Variants in SPECC1 observed in about 807,000 individuals in gnomAD.
SPECC1 encodes sperm antigen with calponin homology and coiled-coil domains 1.
Under a neutral mutation model 104.1 loss-of-function variants are expected in SPECC1, and 62 were observed. The observed-to-expected ratio is 0.60, with a 90% confidence interval of 0.49 to 0.74. The LOEUF (loss-of-function observed/expected upper bound fraction) is 0.74. SPECC1 is among the 30% of genes least tolerant of loss of function. The pLI is 0.00. For missense variants in SPECC1, 1,306 were observed against 1,310.5 expected, an observed-to-expected ratio of 1.00 and a Z score of 0.05; for synonymous variants, 513 against 501.6, an observed-to-expected ratio of 1.02 and a Z score of -0.30.
At chr17:20,293,483 T>G (rs1486838757) in intron 12 of SPECC1, among the ~76,000 whole-genome samples, 1 of 152,204 alleles carries the variant, frequency 6.6e-6, no homozygotes, top group Non-Finnish European at 1.5e-5. Context: ...TAACTTGTTG[T>G]AGGGTTGCAT....
At chr17:20,236,854 T>G in intron 7 of SPECC1, 1 of 1,613,936 alleles carries the variant, frequency 6.2e-7, no homozygotes, top group Non-Finnish European at 8.5e-7. Context: ...GTTTCTATTT[T>G]CACAGCTCCC....
At chr17:20,031,057 C>T (rs556564324) in intron 1 of SPECC1, among the ~76,000 whole-genome samples, 3 of 152,118 alleles carry the variant, frequency 2.0e-5, no homozygotes, top group Admixed American at 6.5e-5. Flanking sequence ...TTCAGTGGCG[C>T]GATCTCGACT....
chr17:20,247,316 G>A lies in SPECC1; in HGVS notation c.2595G>A (p.Met865Ile). 1 of 1,611,330 alleles carries A rather than the reference G, an allele frequency of 6.2e-7. No homozygotes were observed. The highest frequency in any genetic ancestry group is 1.3e-5 in the African/African-American group (1 of 75,000). The stretch of plus-strand genomic sequence containing the variant: ...CTCCAGCAGCTGCTGTCTCTCCAAT[G>A]CAGGTAGATGAGCCCCAGAAATAAC... ...RTAPAAAVSP[M>I]QRHSTYSSVR... Residue 865 changes from methionine to isoleucine, a missense_variant, in exon 9 of 15, where the codon ATG becomes ATA. Coordinates refer to ENST00000395527, the MANE Select transcript of SPECC1 (RefSeq NM_001243439.2).
At chr17:20,118,619 A>G (rs2048878608) in intron 3 of SPECC1, among the ~76,000 whole-genome samples, 1 of 152,178 alleles carries the variant, frequency 6.6e-6, no homozygotes, top group Non-Finnish European at 1.5e-5. Context: ...TAATTATTAA[A>G]ATCAACTTTT....
chr17:20,131,796 C>T (rs760943704), intron 3 of SPECC1, among the ~76,000 whole-genome samples: 11 of 151,826 alleles, frequency 7.2e-5, no homozygotes, highest in Non-Finnish European at 1.3e-4. Context: ...ATTACAGGTG[C>T]GCACCACCAC....
intron 2 of SPECC1, among the ~76,000 whole-genome samples, chr17:20,099,440 A>AGG (rs1324328188): frequency 7.0e-6 from 1 of 143,262 alleles, no homozygotes; most frequent in Non-Finnish European, 1.5e-5. Context: ...TGGGAGGCTG[A>AGG]GGTGGATGGA....
At chr17:20,077,206 G>T (rs1331915954) in intron 1 of SPECC1, among the ~76,000 whole-genome samples, 3 of 152,018 alleles carry the variant, frequency 2.0e-5, no homozygotes, top group African/African-American at 7.2e-5. Flanking sequence ...TGCTTTTAAG[G>T]CATTTATGTT....
intron 1 of SPECC1, among the ~76,000 whole-genome samples, chr17:20,043,419 C>G (rs2045412053): frequency 6.6e-6 from 1 of 152,222 alleles, no homozygotes. Context: ...CTAATTCTCT[C>G]ATTTCCTTTA....
chr17:20,212,224 A>G (rs576513492), intron 4 of SPECC1, among the ~76,000 whole-genome samples: 4 of 152,342 alleles, frequency 2.6e-5, no homozygotes, highest in South Asian at 4.1e-4. Flanking sequence ...AGAATGAACT[A>G]TGGATGATTA....
chr17:20,131,947 C>T (rs542620045), intron 3 of SPECC1, among the ~76,000 whole-genome samples: 38 of 152,318 alleles, frequency 2.5e-4, no homozygotes, highest in African/African-American at 9.1e-4. Context: ...CCACTGCATC[C>T]GGCCAAGCAT....
At chr17:20,195,410 A>G (rs953120592) in intron 3 of SPECC1, among the ~76,000 whole-genome samples, 4 of 152,198 alleles carry the variant, frequency 2.6e-5, no homozygotes, top group African/African-American at 9.7e-5. Flanking sequence ...GTTTCCCATA[A>G]CTTTAGAATA....
At chr17:20,018,780 T>A (rs1195982413) in intron 1 of SPECC1, among the ~76,000 whole-genome samples, 2 of 152,186 alleles carry the variant, frequency 1.3e-5, no homozygotes, top group African/African-American at 4.8e-5. Context: ...ACACAGGATG[T>A]ATGTGCTTAA....
chr17:20,254,548 A>G (rs1309570307), intron 10 of SPECC1, among the ~76,000 whole-genome samples: 2 of 152,158 alleles, frequency 1.3e-5, no homozygotes, highest in Non-Finnish European at 2.9e-5. Flanking sequence ...CTGCTGACCC[A>G]GTTCGCCTGC....
intron 1 of SPECC1, among the ~76,000 whole-genome samples, chr17:20,084,214 A>G (rs1299005266): frequency 1.3e-5 from 2 of 152,214 alleles, no homozygotes; most frequent in Non-Finnish European, 2.9e-5. Flanking sequence ...AGATCACCTG[A>G]GGTCAGGAGT....
intron 13 of SPECC1, among the ~76,000 whole-genome samples, chr17:20,301,967 A>G (rs916956941): frequency 4.1e-4 from 63 of 152,254 alleles, no homozygotes; most frequent in African/African-American, 1.2e-3. Flanking sequence ...GGGCCTCCCA[A>G]TAGTTCTGGG....
At chr17:20,166,830 T>C (rs1000614532) in intron 3 of SPECC1, among the ~76,000 whole-genome samples, 1 of 151,956 alleles carries the variant, frequency 6.6e-6, no homozygotes, top group Non-Finnish European at 1.5e-5. Context: ...CCAAAAATTA[T>C]ATGGGACCAG....
intron 7 of SPECC1, among the ~76,000 whole-genome samples, chr17:20,245,407 A>T (rs747178938): frequency 8.6e-5 from 13 of 152,022 alleles, no homozygotes; most frequent in Non-Finnish European, 1.8e-4. Context: ...TCTTCCTCTG[A>T]TTCAGGTCCC....
At chr17:20,164,194 G>C (rs998821455) in intron 3 of SPECC1, among the ~76,000 whole-genome samples, 3 of 145,166 alleles carry the variant, frequency 2.1e-5, no homozygotes, top group Middle Eastern at 7.0e-3. Context: ...TTTTTAAAGA[G>C]ACAAAGTCTT....
rs1225329349 is a variant in SPECC1 at position 20,140,605 on chromosome 17, T to TA, written c.283+30044dup. ...TTTGGGAACAAATATGCTTGACTCT[T>TA]ACTATGAAGACAACCCACATGATGG... On this transcript the variant is annotated intron_variant, in intron 3 of 14. Transcript: ENST00000395527. Among the ~76,000 whole-genome samples the TA allele has an allele frequency of 2.0e-5, 3 of 152,292 alleles. No homozygotes were observed. In the East Asian group the frequency reaches 5.8e-4, roughly 29 times the overall value.
Sources: gnomAD v4.1 joint callset for allele counts (sites outside exome capture counted in the v4.1 genomes callset) on GRCh38, gnomAD v4.1.1 for gene constraint, MANE v1.5 for transcripts, NCBI Gene and HGNC (gene_info 2026-07-23, HGNC 2026-07-21) for gene names.